Variants in BIRC6 observed in about 807,000 individuals in gnomAD.
The protein encoded by BIRC6 is dual E2 ubiquitin-conjugating enzyme/E3 ubiquitin-protein ligase BIRC6.
BIRC6 carries 98 observed loss-of-function variants against 503.3 expected under a neutral mutation model. The observed-to-expected ratio is 0.19, with a 90% CI of 0.17 to 0.23. The LOEUF (loss-of-function observed/expected upper bound fraction) is 0.23, where lower values mean the gene tolerates loss of function less well. Ranked by LOEUF, BIRC6 falls within the 10% of genes least tolerant of loss-of-function variation. The pLI is 1.00. For synonymous variants in BIRC6, 2,240 were observed against 2,078.7 expected (o/e 1.08, Z -2.11); for missense variants, 5,360 against 5,806.0 (o/e 0.92, Z 2.50).
rs1007142372 is a variant in BIRC6 at position 32,549,415 on chromosome 2, C to G, written c.13078C>G (p.Leu4360Val). The change falls in exon 65 of 74, where the codon CTT becomes GTT. Residue 4360 changes from leucine (L) to valine (V), a missense_variant. Physicochemically the swap from Leu to Val is conservative, Grantham distance 32. Transcript: ENST00000421745. ...GQNSNALPSV[L>V]LELLSQSCLI... ...GAACAGTAATGCCCTTCCTTCTGTA[C>G]TTCTCGAGCTTCTCAGTCAGTCCTG... is the stretch of plus-strand genomic sequence containing the variant. 1 of 1,509,550 alleles carries G rather than the reference C, an allele frequency of 6.6e-7. No homozygotes were observed. The highest frequency in any genetic ancestry group is 1.7e-5 in the Admixed American group (1 of 58,368). 93.5% of individuals were successfully genotyped at this position (1,509,550 alleles called of 1,614,324 possible).
Position 32,470,994 on chromosome 2 carries a change from T to C in BIRC6, c.6482-20T>C. The C allele has an allele frequency of 6.4e-7, 1 of 1,554,318 alleles. No individual in the cohort carries two copies. Among genetic ancestry groups the C allele is most frequent in the Non-Finnish European group, 8.7e-7 (1 of 1,147,392 alleles). ...CTAAAGTCATCTGGATGTTTTTCCT[T>C]TGCTGTCATCTCTCTCCAGGAGTAC... On this transcript the variant is annotated intron_variant, in intron 31 of 73. Coordinates refer to ENST00000421745, the MANE Select transcript of BIRC6 (RefSeq NM_016252.4).
Position 32,415,576 on chromosome 2 carries a change from A to G in BIRC6, c.2285A>G (p.Gln762Arg). 1 of 1,613,974 alleles carries G rather than the reference A, an allele frequency of 6.2e-7. No individual in the cohort carries two copies. The highest frequency in any genetic ancestry group is 8.5e-7 in the Non-Finnish European group (1 of 1,179,856). ...GTTGAATCCTTGAGTGCAATAAATC[A>G]AGTAGAGGCCTTGAATAATTTAAAT... is the stretch of plus-strand genomic sequence containing the variant. ...CPVESLSAIN[Q>R]VEALNNLNKL... The change falls in exon 10 of 74, where the codon CAA becomes CGA. Residue 762 changes from glutamine (Q) to arginine (R), a missense_variant. By Grantham distance (43) the Gln-to-Arg change is conservative. This residue lies in a region of BIRC6 where 700 missense variants were observed against 739.3 expected (regional missense o/e 0.95). Transcript: ENST00000421745.
At chr2:32,396,319 A>G (rs950577414) in intron 6 of BIRC6, among the ~76,000 whole-genome samples, 31 of 152,232 alleles carry the variant, frequency 2.0e-4, no homozygotes, top group African/African-American at 6.8e-4. Context: ...AATGAAGAGA[A>G]TAAAATTTGC....
intron 4 of BIRC6, among the ~76,000 whole-genome samples, chr2:32,390,449 C>T (rs565006997): frequency 3.9e-5 from 6 of 152,140 alleles, no homozygotes; most frequent in Admixed American, 2.0e-4. Context: ...GGATTACAGG[C>T]GTGAGCCACT....
intron 65 of BIRC6, among the ~76,000 whole-genome samples, chr2:32,561,943 G>A (rs1186937782): frequency 6.6e-6 from 1 of 151,888 alleles, no homozygotes; most frequent in Non-Finnish European, 1.5e-5. Context: ...TCGGGAGGCT[G>A]AGGCAGGAGA....
chr2:32,363,481 G>C (rs985593789), intron 1 of BIRC6, among the ~76,000 whole-genome samples: 34 of 151,774 alleles, frequency 2.2e-4, no homozygotes, highest in African/African-American at 7.8e-4. Context: ...TCTAGATTTT[G>C]CTTTTTTGTG....
intron 66 of BIRC6, among the ~76,000 whole-genome samples, chr2:32,592,805 G>T (rs2061466234): frequency 6.6e-6 from 1 of 151,770 alleles, no homozygotes; most frequent in Non-Finnish European, 1.5e-5. Context: ...ATGTTGTTCA[G>T]GGTGGTCTCG....
chr2:32,479,432 A>T, intron 36 of BIRC6, 30 bp from the exon 37 acceptor site: 1 of 1,565,154 alleles, frequency 6.4e-7, no homozygotes, highest in East Asian at 2.3e-5. Flanking sequence ...TGTATAAATT[A>T]TTAAAACAGG....
intron 26 of BIRC6, among the ~76,000 whole-genome samples, chr2:32,466,424 T>C (rs1260826784): frequency 6.6e-6 from 1 of 152,224 alleles, no homozygotes; most frequent in Non-Finnish European, 1.5e-5. Context: ...GGAAAAAGCA[T>C]TGTTTGAGAT....
chr2:32,541,969 T>A (rs116662847), intron 61 of BIRC6, among the ~76,000 whole-genome samples: 113 of 152,180 alleles, frequency 7.4e-4, no homozygotes, highest in African/African-American at 2.6e-3. Context: ...TTCTTTTGCG[T>A]GGTTTGAGGA....
intron 12 of BIRC6, among the ~76,000 whole-genome samples, chr2:32,431,892 C>G (rs1026817323): frequency 6.6e-6 from 1 of 151,984 alleles, no homozygotes; most frequent in Admixed American, 6.6e-5. Context: ...CAGAGTATGG[C>G]AATAGAGTAG....
chr2:32,432,912 A>G (rs528092247), intron 12 of BIRC6, among the ~76,000 whole-genome samples: 1 of 152,124 alleles, frequency 6.6e-6, no homozygotes, highest in Admixed American at 6.5e-5. Flanking sequence ...GCAGTGATAG[A>G]TTGGTTTTAG....
intron 66 of BIRC6, among the ~76,000 whole-genome samples, chr2:32,592,213 A>G (rs1164488737): frequency 1.3e-5 from 2 of 152,204 alleles, no homozygotes; most frequent in Non-Finnish European, 1.5e-5. Context: ...CTGCCAAGTC[A>G]TTTCCTGAGT....
intron 68 of BIRC6, among the ~76,000 whole-genome samples, chr2:32,595,610 C>T (rs1346477532): frequency 6.6e-6 from 1 of 152,222 alleles, no homozygotes; most frequent in African/African-American, 2.4e-5. Flanking sequence ...AAGATTATAT[C>T]AGTACCCTTT....
chr2:32,492,530 T>A (rs1461454267), intron 44 of BIRC6, among the ~76,000 whole-genome samples: 1 of 152,044 alleles, frequency 6.6e-6, no homozygotes, highest in African/African-American at 2.4e-5. Context: ...GGAAGACTCC[T>A]CGGGATCACC....
intron 65 of BIRC6, among the ~76,000 whole-genome samples, chr2:32,568,163 A>G (rs1260426350): frequency 2.0e-5 from 3 of 151,858 alleles, no homozygotes; most frequent in Middle Eastern, 3.4e-3. Context: ...AAAAGAAACT[A>G]TAGCCTTAAA....
At chr2:32,435,819 C>G (rs1466258093) in intron 14 of BIRC6, among the ~76,000 whole-genome samples, 1 of 152,120 alleles carries the variant, frequency 6.6e-6, no homozygotes, top group Non-Finnish European at 1.5e-5. Context: ...GAAATCAAGT[C>G]GTGGTTTATA....
chr2:32,478,258 A>T (rs2049991316), intron 35 of BIRC6, among the ~76,000 whole-genome samples: 1 of 151,986 alleles, frequency 6.6e-6, no homozygotes, highest in Non-Finnish European at 1.5e-5. Context: ...AATTGCTTGA[A>T]CCTGGGGGCG....
rs2049752628 is a variant in BIRC6 at position 32,476,299 on chromosome 2, T to C, written c.6807T>C (p.Tyr2269=). The C allele has an allele frequency of 6.4e-7, 1 of 1,572,916 alleles. No homozygotes were observed. The highest frequency in any genetic ancestry group is 8.6e-7 in the Non-Finnish European group (1 of 1,157,580). The change falls in exon 34 of 74, where the codon TAT becomes TAC. Residue 2269 remains tyrosine, a synonymous_variant. Coordinates refer to ENST00000421745, the MANE Select transcript of BIRC6 (RefSeq NM_016252.4). ...TACAAAGTAACAAAGGATCATCATA[T>C]AAACTCCTGGTAGAACAAGCAAAAC... ...EKIQSNKGSS[Y]KLLVEQAKLK... is the part of the protein sequence containing the mutation.
Sources: allele counts gnomAD v4.1 joint callset (sites outside exome capture counted in the v4.1 genomes callset), GRCh38; gene constraint gnomAD v4.1.1; regional missense constraint gnomAD v4.1.1; transcripts MANE v1.5; gene names NCBI Gene and HGNC (gene_info 2026-07-23, HGNC 2026-07-21).